The following FAM163B variants were observed in gnomAD, a reference collection of about 807,000 sequenced individuals.
The protein encoded by FAM163B is protein FAM163B.
In FAM163B, 4 loss-of-function variants were observed where a neutral mutation model predicts 7.6. That is an observed-to-expected ratio of 0.52 (90% CI 0.26 to 1.20). The LOEUF is 1.20. Among genes scored for constraint, FAM163B ranks in the 50% most tolerant of loss-of-function variants. The probability of loss-of-function intolerance (pLI) is 0.14; values close to 1 mark genes in which losing one functional copy is unlikely to be tolerated. For synonymous variants in FAM163B, 120 were observed against 111.6 expected (o/e 1.07, Z -0.47); for missense variants, 250 against 243.0 (o/e 1.03, Z -0.19).
chr9:133,591,490 T>C (rs766152744), intron 1 of FAM163B, among the ~76,000 whole-genome samples: 1 of 152,164 alleles, frequency 6.6e-6, no homozygotes, highest in Non-Finnish European at 1.5e-5. Flanking sequence ...CTGCCTGGCC[T>C]TCTCCACAGC....
rs148923975 is a variant in FAM163B, at chr9:133,607,369, G to A, written c.-24+1708C>T. 1.3e-3 allele frequency among the ~76,000 whole-genome samples: 199 copies of A among 152,334 alleles called. 1 individual carries two copies. In the Middle Eastern group the frequency reaches 0.017, roughly 13 times the overall value. On this transcript the variant is annotated intron_variant, in intron 1 of 2. Transcript: ENST00000673969. ...TGCTGATGGTACTGGCATGACAGAC[G>A]TGTGTTGGGGACTCCAGCCTCAAGG...
intron 1 of FAM163B, among the ~76,000 whole-genome samples, chr9:133,605,694 C>G (rs942485696): frequency 1.3e-5 from 2 of 152,184 alleles, no homozygotes; most frequent in African/African-American, 4.8e-5. Context: ...CCCAGGGCCC[C>G]GGGGCCGCAA....
rs1831335572 is a variant in FAM163B, at chr9:133,580,211, TC to T, written c.12del (p.Thr5ProfsTer12). The T allele has an allele frequency of 6.2e-7, 1 of 1,613,352 alleles. No individual in the cohort carries two copies. The highest frequency in any genetic ancestry group is 8.5e-7 in the Non-Finnish European group (1 of 1,179,976). On this transcript the variant is annotated frameshift_variant, in exon 2 of 3. Coordinates refer to ENST00000673969, the MANE Select transcript of FAM163B (RefSeq NM_001080515.3). LOFTEE classifies it high-confidence loss of function. MTAGTVVITGGILA... is the reference protein window; with the variant it reads MTAXTVVITGGILA... ...AAGATGCCCCCGGTGATGACCACGG[TC>T]CCGGCTGTCATCCGCCCCCTTCTCC... is the stretch of plus-strand genomic sequence containing the variant.
At position 133,600,055 on chromosome 9, in the gene FAM163B, G is replaced by C. The variant is rs111207651; in HGVS notation, c.-24+9022C>G. On this transcript the variant is annotated intron_variant, in intron 1 of 2. Transcript: ENST00000673969. This position sits in a 1 kb window ranked among gnomAD's most constrained non-coding sequence, Gnocchi z 4.9. ...ATGTGTGGTCTGTGTGGATGTGTGTGAGTTTGTGTGTGCATGTGTGTGTGT... is the reference window on the plus strand; with the variant it reads ...ATGTGTGGTCTGTGTGGATGTGTGTCAGTTTGTGTGTGCATGTGTGTGTGT... 9.0e-3 allele frequency among the ~76,000 whole-genome samples: 1,157 copies of C among 128,644 alleles called. 13 individuals are homozygous for C. The highest frequency in any genetic ancestry group is 0.034 in the African/African-American group (1,121 of 33,068). The allele number at this position is 128,644 out of a possible 152,430, so 84.4% of individuals were successfully genotyped here.
In FAM163B at chr9:133,580,827, C is replaced by T. The variant is rs950785800; in HGVS notation, c.-23-581G>A. 8.5e-5 allele frequency among the ~76,000 whole-genome samples: 13 copies of T among 152,212 alleles called. No individual in the cohort carries two copies. The South Asian group carries it at 1.0e-3, about 12-fold the overall frequency. On this transcript the variant is annotated intron_variant, in intron 1 of 2. Transcript: ENST00000673969. ...ACCATCTTCACCATTTGTACGTGTG[C>T]GGCTTAGTAGCATGAATTATATTTC...
At chr9:133,605,019 C>T (rs1831772981) in intron 1 of FAM163B, among the ~76,000 whole-genome samples, 1 of 152,192 alleles carries the variant, frequency 6.6e-6, no homozygotes, top group Non-Finnish European at 1.5e-5. Context: ...TGTGTGAACA[C>T]TGAGGTCAGG....
intron 1 of FAM163B, among the ~76,000 whole-genome samples, chr9:133,590,067 C>G (rs1344000635): frequency 2.8e-5 from 1 of 35,930 alleles, no homozygotes; most frequent in Non-Finnish European, 6.6e-5. Flanking sequence ...CTTCCCTTCC[C>G]CTTCCCTTCC....
chr9:133,586,667 G>A (rs1278642113), intron 1 of FAM163B, among the ~76,000 whole-genome samples: 1 of 151,024 alleles, frequency 6.6e-6, no homozygotes, highest in African/African-American at 2.5e-5. Context: ...AGTGCAGATT[G>A]TGGTGCCCAG....
chr9:133,587,214 G>A (rs970718190), intron 1 of FAM163B, among the ~76,000 whole-genome samples: 16 of 152,290 alleles, frequency 1.1e-4, no homozygotes, highest in Non-Finnish European at 1.8e-4. Flanking sequence ...TCAGCTGACC[G>A]GCGACCAGGG....
intron 1 of FAM163B, among the ~76,000 whole-genome samples, chr9:133,587,513 T>A (rs1425524749): frequency 2.0e-5 from 3 of 151,984 alleles, no homozygotes; most frequent in Admixed American, 2.0e-4. Flanking sequence ...ATCATGGGGC[T>A]GTGCCAAAGC....
In FAM163B at chr9:133,581,533, G is replaced by A. The variant is rs1056378548; in HGVS notation, c.-23-1287C>T. 9.9e-5 allele frequency among the ~76,000 whole-genome samples: 15 copies of A among 152,222 alleles called. No homozygotes were observed. In the East Asian group the frequency reaches 1.2e-3, roughly 12 times the overall value. On this transcript the variant is annotated intron_variant, in intron 1 of 2. Transcript: ENST00000673969. ...AGCCTACGTTTAGCTTTCTCCTGTC[G>A]TCTCTGAAATGCCTTTTTTACGGTT...
chr9:133,602,411 C>T (rs930346271), intron 1 of FAM163B, among the ~76,000 whole-genome samples: 13 of 6,642 alleles, frequency 2.0e-3, no homozygotes, highest in African/African-American at 2.6e-3. Context: ...CTGGCTGGTT[C>T]TGTGGACGTC....
chr9:133,583,731 G>A (rs891729554), intron 1 of FAM163B, among the ~76,000 whole-genome samples: 6 of 152,206 alleles, frequency 3.9e-5, no homozygotes, highest in Admixed American at 1.3e-4. Context: ...GCGGCGTGAC[G>A]GGAAGGGTGC....
intron 2 of FAM163B, 81 bp downstream of exon 2, chr9:133,580,050 C>A (rs1457548880): frequency 2.4e-6 from 3 of 1,240,404 alleles, no homozygotes; most frequent in Admixed American, 3.8e-5. Context: ...CCCTTGTGAC[C>A]TTCAGGCGGG....
chr9:133,588,869 G>A (rs1271186824), intron 1 of FAM163B, among the ~76,000 whole-genome samples: 3 of 151,754 alleles, frequency 2.0e-5, no homozygotes, highest in Non-Finnish European at 4.4e-5. Flanking sequence ...ATGGGAGAAG[G>A]GAAAAGGACT....
chr9:133,589,776 G>T (rs927198442), intron 1 of FAM163B, among the ~76,000 whole-genome samples: 1 of 152,152 alleles, frequency 6.6e-6, no homozygotes, highest in African/African-American at 2.4e-5. Context: ...CCCAGGGGGC[G>T]GGAACAGCAG....
rs1031125028 is a variant in FAM163B at position 133,577,347 on chromosome 9, G to A, written c.*1675C>T. Among the ~76,000 whole-genome samples the A allele has an allele frequency of 9.6e-5, 14 of 145,190 alleles. No homozygotes were observed. Among genetic ancestry groups the A allele is most frequent in the African/African-American group, 3.5e-4 (14 of 39,900 alleles). ...CACAGGATGCACAGAGGAAGCCAGA[G>A]GTGTGGGCGGGCCCGGGGGGCCGGG... On this transcript the variant is annotated 3_prime_UTR_variant, in exon 3 of 3. Transcript: ENST00000673969.
Position 133,577,580 on chromosome 9 carries a change from C to T in FAM163B, c.*1442G>A, listed in dbSNP as rs1004343293. On this transcript the variant is annotated 3_prime_UTR_variant, in exon 3 of 3. Transcript: ENST00000673969. ...CCTCCGCTCAGGGAAGGTCACTGCC[C>T]GGCCAAGCCTTGTCTTTGAGGGCGG... 4.2e-4 allele frequency among the ~76,000 whole-genome samples: 64 copies of T among 152,358 alleles called. No individual in the cohort carries two copies. The highest frequency in any genetic ancestry group is 1.5e-3 in the African/African-American group (62 of 41,594).
intron 1 of FAM163B, among the ~76,000 whole-genome samples, chr9:133,589,732 A>AC (rs1261794687): frequency 1.3e-5 from 2 of 151,304 alleles, no homozygotes; most frequent in South Asian, 2.1e-4. Flanking sequence ...TGCCCTCGTG[A>AC]CCCCCACCCT....
Sources: allele counts gnomAD v4.1 joint callset (sites outside exome capture counted in the v4.1 genomes callset), GRCh38; gene constraint gnomAD v4.1.1; non-coding constraint Gnocchi (gnomAD v3.1); transcripts MANE v1.5; gene names NCBI Gene and HGNC (gene_info 2026-07-23, HGNC 2026-07-21).